SPATA20: variants seen among roughly 807,000 people sequenced by gnomAD.
SPATA20 encodes spermatogenesis-associated protein 20.
A neutral mutation model predicts 98.9 loss-of-function variants in SPATA20; 74 were observed. That is an observed-to-expected ratio of 0.75 (90% CI 0.62 to 0.91). SPATA20 has a LOEUF of 0.91. SPATA20 is among the 40% of genes least tolerant of loss of function. The probability of loss-of-function intolerance (pLI) is 0.00; values close to 1 mark genes in which losing one functional copy is unlikely to be tolerated. For missense variants in SPATA20, 1,016 were observed against 1,069.8 expected (o/e 0.95, Z 0.70); for synonymous variants, 430 against 440.5 (o/e 0.98, Z 0.30).
intron 13 of SPATA20, 54 bp downstream of exon 13, chr17:50,551,733 A>T: frequency 1.3e-6 from 2 of 1,538,354 alleles, no homozygotes; most frequent in Non-Finnish European, 8.8e-7. Context: ...TCCCCAGCCT[A>T]CCTCTGCCCT....
At chr17:50,551,306 T>G (rs1030659502) in intron 12 of SPATA20, 116 bp downstream of exon 12, 10 of 1,230,322 alleles carry the variant, frequency 8.1e-6, no homozygotes, top group Non-Finnish European at 1.0e-5. Context: ...TTATTCTCAG[T>G]TGACAAAAGA....
In SPATA20 at chr17:50,550,929, T is replaced by C; in HGVS notation, c.1383+12T>C. 6.2e-7 allele frequency: 1 copy of C among 1,612,318 alleles called. No individual in the cohort carries two copies. Among genetic ancestry groups the C allele is most frequent in the Non-Finnish European group, 8.5e-7 (1 of 1,179,374 alleles). On this transcript the variant is annotated intron_variant, in intron 11 of 16. Transcript: ENST00000006658. ...TCAGCCCCAGTCAGGTGAGGACTTC[T>C]GGGGTCACCTGACGGGCCCTGGTGC...
rs373370910 is a variant in SPATA20, at chr17:50,555,535, G to A, written c.2282G>A (p.Arg761His). The change falls in exon 17 of 17, where the codon CGC (arginine) becomes CAC (histidine). Residue 761 changes from arginine (R) to histidine (H), a missense_variant. Transcript: ENST00000006658. ...ADGDPSSFLS[R>H]QLPFLSTLRR... Reference sequence around the variant, plus strand: ...GGGGACCCCTCGAGCTTCCTGTCCCGCCAGCTGCCTTTCCTGAGTACCCTC... The same window carrying A: ...GGGGACCCCTCGAGCTTCCTGTCCCACCAGCTGCCTTTCCTGAGTACCCTC... 28 of 1,613,950 alleles carry A rather than the reference G, an allele frequency of 1.7e-5. No individual in the cohort carries two copies. The highest frequency in any genetic ancestry group is 4.5e-5 in the East Asian group (2 of 44,870).
chr17:50,550,665 C>T lies in SPATA20; in HGVS notation c.1174-43C>T. 4 of 1,612,568 alleles carry T rather than the reference C, an allele frequency of 2.5e-6. No homozygotes were observed. The African/African-American group carries it at 5.3e-5, about 21-fold the overall frequency. ...GCTGTGGGAGGGGTTGGGGCCTCCA[C>T]TGCCCTGTGGGCCGGGGCCAGCCAA... On this transcript the variant is annotated intron_variant, in intron 10 of 16. Coordinates refer to ENST00000006658, the MANE Select transcript of SPATA20 (RefSeq NM_022827.4).
In SPATA20 at chr17:50,554,561, CTG is replaced by C. The variant is rs2035068694; in HGVS notation, c.2157+120_2157+121del. 2.7e-6 allele frequency: 3 copies of C among 1,130,904 alleles called. No individual in the cohort carries two copies. In the Admixed American group the frequency reaches 5.3e-5, roughly 20 times the overall value. The allele number at this position is 1,130,904 out of a possible 1,614,324, so 70.1% of individuals were successfully genotyped here. ...CCTGGGCTGTCCCCAGAGCTCAGGT[CTG>C]TGTGTGTGCAGGCACGTGGCCTGTC... On this transcript the variant is annotated intron_variant, in intron 15 of 16. Coordinates refer to ENST00000006658, the MANE Select transcript of SPATA20 (RefSeq NM_022827.4).
At position 50,550,323 on chromosome 17, in the gene SPATA20, A is replaced by G. The variant is rs1440111480; in HGVS notation, c.1098+11A>G. The G allele has an allele frequency of 6.4e-7, 1 of 1,564,190 alleles. No individual in the cohort carries two copies. Among genetic ancestry groups the G allele is most frequent in the Non-Finnish European group, 8.7e-7 (1 of 1,149,548 alleles). ...TCGCAGGCCTTCCAGGTGACCCCTGACCCCAGCCCAGAGAACAGGCATCTC... is the reference window on the plus strand; with the variant it reads ...TCGCAGGCCTTCCAGGTGACCCCTGGCCCCAGCCCAGAGAACAGGCATCTC... On this transcript the variant is annotated intron_variant, in intron 9 of 16. Coordinates refer to ENST00000006658, the MANE Select transcript of SPATA20 (RefSeq NM_022827.4).
rs368496628 is a variant in SPATA20, at chr17:50,551,571, A to T, written c.1637A>T (p.Asn546Ile). 4.4e-6 allele frequency: 7 copies of T among 1,606,590 alleles called. No individual in the cohort carries two copies. The African/African-American group carries it at 9.4e-5, about 21-fold the overall frequency. ...GTCCTGGGCCAAGACAGGCTGATCA[A>T]CTATGCCACCAATGGTGCCAAGTTC... ...GAVLGQDRLI[N>I]YATNGAKFLK... The change falls in exon 13 of 17, where the codon AAC becomes ATC. Residue 546 changes from asparagine (N) to isoleucine (I), a missense_variant. By Grantham distance (149) the Asn-to-Ile change is moderately radical. Coordinates refer to ENST00000006658, the MANE Select transcript of SPATA20 (RefSeq NM_022827.4).
At chr17:50,550,352 C>G in intron 9 of SPATA20, 40 bp downstream of exon 9, 1 of 1,496,802 alleles carries the variant, frequency 6.7e-7, no homozygotes, top group Non-Finnish European at 9.2e-7. Flanking sequence ...GCATCTCACT[C>G]TGGCTGCCCC....
chr17:50,548,121 G>T, intron 2 of SPATA20, 162 bp from the exon 3 acceptor site: 1 of 1,501,782 alleles, frequency 6.7e-7, no homozygotes, highest in Admixed American at 2.2e-5. Context: ...AAAACATAAG[G>T]GGGAGCACAA....
chr17:50,551,123 G>C lies in SPATA20; in HGVS notation c.1509G>C (p.Lys503Asn). ...VRTLLNSGLE[K>N]LFQARKHRPK... is the part of the protein sequence containing the mutation. ...CCTTGCTCAATTCAGGGCTGGAGAAGCTCTTCCAGGCCCGGAAGCATCGGC... is the reference window on the plus strand; with the variant it reads ...CCTTGCTCAATTCAGGGCTGGAGAACCTCTTCCAGGCCCGGAAGCATCGGC... Residue 503 changes from lysine (K) to asparagine (N), a missense_variant, in exon 12 of 17, where the codon AAG (lysine) becomes AAC (asparagine). Lys to Asn is a moderately conservative substitution (Grantham distance 94). Transcript: ENST00000006658. 1 of 1,611,864 alleles carries C rather than the reference G, an allele frequency of 6.2e-7. No homozygotes were observed. Among genetic ancestry groups the C allele is most frequent in the East Asian group, 2.2e-5 (1 of 44,886 alleles).
rs577370378 is a variant in SPATA20, at chr17:50,552,431, G to A, written c.1957+251G>A. On this transcript the variant is annotated intron_variant, in intron 14 of 16. Coordinates refer to ENST00000006658, the MANE Select transcript of SPATA20 (RefSeq NM_022827.4). Reference sequence around the variant, plus strand: ...TCCTCCCACCTCGGCCTCCCAAAGTGCTGGGATTACAGGCATGAACCACTA... The same window carrying A: ...TCCTCCCACCTCGGCCTCCCAAAGTACTGGGATTACAGGCATGAACCACTA... Among the ~76,000 whole-genome samples the A allele has an allele frequency of 1.8e-3, 272 of 152,118 alleles. 1 individual carries two copies. The highest frequency in any genetic ancestry group is 3.2e-3 in the Non-Finnish European group (215 of 67,994).
chr17:50,551,261 G>T, intron 12 of SPATA20, 71 bp downstream of exon 12: 1 of 1,385,828 alleles, frequency 7.2e-7, no homozygotes. Flanking sequence ...CTTTCCGGCA[G>T]CGGCTAAATG....
intron 14 of SPATA20, 88 bp from the exon 15 acceptor site, chr17:50,554,163 C>A (rs2035056681): frequency 2.4e-6 from 3 of 1,227,294 alleles, no homozygotes; most frequent in East Asian, 2.5e-5. Context: ...TCCCGTCCCC[C>A]AAGTGGCCCT....
intron 14 of SPATA20, among the ~76,000 whole-genome samples, chr17:50,553,549 C>T (rs1364215381): frequency 5.9e-5 from 8 of 134,538 alleles, no homozygotes; most frequent in Admixed American, 1.6e-4. Flanking sequence ...CGGCAGGGCA[C>T]GGAAGCCGTC....
intron 13 of SPATA20, 134 bp from the exon 14 acceptor site, chr17:50,551,835 A>T: frequency 8.4e-7 from 1 of 1,194,336 alleles, no homozygotes; most frequent in South Asian, 1.5e-5. Flanking sequence ...TCATCTGGGA[A>T]GTGGGCTGAT....
chr17:50,547,471 C>A, intron 1 of SPATA20, 186 bp downstream of exon 1: 2 of 631,760 alleles, frequency 3.2e-6, no homozygotes. Context: ...CTCCCCTCCT[C>A]TCCCGTCCTC....
chr17:50,547,823 TG>T, intron 2 of SPATA20, 56 bp downstream of exon 2: 1 of 845,376 alleles, frequency 1.2e-6, no homozygotes, highest in Non-Finnish European at 2.1e-6. Context: ...GTCCCTCACC[TG>T]GTCGAGTCCC....
chr17:50,551,885 A>T, intron 13 of SPATA20, 84 bp from the exon 14 acceptor site: 1 of 1,349,726 alleles, frequency 7.4e-7, no homozygotes, highest in South Asian at 1.4e-5. Flanking sequence ...GGTTAAGTGA[A>T]CAAATGCGTG....
rs576310663 is a variant in SPATA20 at position 50,555,301 on chromosome 17, A to G, written c.2227A>G (p.Ile743Val). The G allele has an allele frequency of 9.9e-6, 16 of 1,613,876 alleles. No homozygotes were observed. The East Asian group carries it at 3.3e-4, about 34-fold the overall frequency. The change falls in exon 16 of 17, where the codon ATT (isoleucine) becomes GTT (valine). Residue 743 changes from isoleucine to valine, a missense_variant. By Grantham distance (29) the Ile-to-Val change is conservative. Coordinates refer to ENST00000006658, the MANE Select transcript of SPATA20 (RefSeq NM_022827.4). ...ALVQCVHSVY[I>V]PNKVLILADG... is the part of the protein sequence containing the mutation. ...GGTGCAGTGCGTCCACTCTGTCTAC[A>G]TTCCTAACAAGGTACCCATCCCTGT...
Sources: gnomAD v4.1 joint callset for allele counts (sites outside exome capture counted in the v4.1 genomes callset) on GRCh38, gnomAD v4.1.1 for gene constraint, MANE v1.5 for transcripts, NCBI Gene and HGNC (gene_info 2026-07-23, HGNC 2026-07-21) for gene names.